Variants in SGCZ observed in about 807,000 individuals in gnomAD.
The protein encoded by SGCZ is zeta-sarcoglycan.
Under a neutral mutation model 41.3 loss-of-function variants are expected in SGCZ, and 40 were observed. The ratio of observed to expected loss-of-function variants is 0.97; its 90% confidence interval spans 0.75 to 1.26. The LOEUF (loss-of-function observed/expected upper bound fraction) is 1.26, where lower values mean the gene tolerates loss of function less well. SGCZ is among the 50% of genes most tolerant of loss of function. SGCZ has a pLI of 0.00. For missense variants in SGCZ, 552 were observed against 369.8 expected (o/e 1.49, Z -4.04); for synonymous variants, 206 against 137.5 (o/e 1.50, Z -3.49).
intron 1 of SGCZ, among the ~76,000 whole-genome samples, chr8:14,561,742 C>A (rs888050084): frequency 1.3e-5 from 2 of 152,088 alleles, no homozygotes; most frequent in Non-Finnish European, 2.9e-5. Flanking sequence ...TCCTGCAATT[C>A]AGGGAAGAGC....
At chr8:14,462,867 A>C (rs543982077) in intron 2 of SGCZ, among the ~76,000 whole-genome samples, 10 of 141,400 alleles carry the variant, frequency 7.1e-5, no homozygotes, top group Admixed American at 6.6e-4. Context: ...AATGTCTTTT[A>C]AGAATTTTTT....
At chr8:14,712,150 A>G (rs1171532692) in intron 1 of SGCZ, among the ~76,000 whole-genome samples, 1 of 152,146 alleles carries the variant, frequency 6.6e-6, no homozygotes, top group East Asian at 1.9e-4. Context: ...TTCCACAACT[A>G]ACCCCTAACT....
chr8:14,427,088 G>C (rs9657206), intron 2 of SGCZ, among the ~76,000 whole-genome samples: 1 of 117,712 alleles, frequency 8.5e-6, no homozygotes, highest in Non-Finnish European at 1.6e-5. Context: ...GAATGAATGA[G>C]TGAATGAATG....
At chr8:15,126,827 A>T (rs1463522911) in intron 1 of SGCZ, among the ~76,000 whole-genome samples, 8 of 152,130 alleles carry the variant, frequency 5.3e-5, no homozygotes, top group Admixed American at 5.2e-4. Flanking sequence ...ATAATAGCCA[A>T]TTTGACAGAG....
At chr8:14,310,530 G>A (rs1187138242) in intron 3 of SGCZ, among the ~76,000 whole-genome samples, 1 of 151,868 alleles carries the variant, frequency 6.6e-6, no homozygotes, top group Non-Finnish European at 1.5e-5. Flanking sequence ...TATACTTTAA[G>A]TTTTAGGGTA....
chr8:14,389,489 A>T (rs1245985951), intron 2 of SGCZ, among the ~76,000 whole-genome samples: 2 of 151,652 alleles, frequency 1.3e-5, no homozygotes, highest in Non-Finnish European at 2.9e-5. Context: ...AAAAAAAAAA[A>T]ATAGGCTAAC....
At chr8:14,366,801 A>G (rs1226343233) in intron 2 of SGCZ, among the ~76,000 whole-genome samples, 1 of 152,170 alleles carries the variant, frequency 6.6e-6, no homozygotes, top group Non-Finnish European at 1.5e-5. Flanking sequence ...ATCAAAGGCA[A>G]GTTAATTACT....
intron 5 of SGCZ, among the ~76,000 whole-genome samples, chr8:14,155,000 G>A (rs564994357): frequency 6.6e-6 from 1 of 152,256 alleles, no homozygotes; most frequent in South Asian, 2.1e-4. Context: ...ATTGCAGGTT[G>A]CGAGCAAAAT....
chr8:14,462,314 C>T (rs920427365), intron 2 of SGCZ, among the ~76,000 whole-genome samples: 1 of 151,880 alleles, frequency 6.6e-6, no homozygotes, highest in Non-Finnish European at 1.5e-5. Flanking sequence ...TATGCATTTA[C>T]AAAAATTCCA....
intron 1 of SGCZ, among the ~76,000 whole-genome samples, chr8:14,971,452 C>T (rs545132649): frequency 8.4e-4 from 128 of 151,996 alleles, no homozygotes; most frequent in Middle Eastern, 3.4e-3. Flanking sequence ...CATTTCTATT[C>T]CTACTTTCCT....
At chr8:14,829,584 A>T (rs1422364539) in intron 1 of SGCZ, among the ~76,000 whole-genome samples, 1 of 152,190 alleles carries the variant, frequency 6.6e-6, no homozygotes, top group African/African-American at 2.4e-5. Flanking sequence ...AATGTAAATG[A>T]TTCCTAAGTG....
At chr8:14,894,923 A>G (rs1362947730) in intron 1 of SGCZ, among the ~76,000 whole-genome samples, 1 of 152,160 alleles carries the variant, frequency 6.6e-6, no homozygotes, top group Non-Finnish European at 1.5e-5. Context: ...AAAAAATTTG[A>G]TTTATGAAAC....
chr8:14,786,908 C>G (rs530130016), intron 1 of SGCZ, among the ~76,000 whole-genome samples: 34 of 150,638 alleles, frequency 2.3e-4, no homozygotes, highest in Middle Eastern at 3.5e-3. Context: ...TACAACCATG[C>G]TGTATGATAA....
At chr8:14,951,846 T>C (rs1459446806) in intron 1 of SGCZ, among the ~76,000 whole-genome samples, 4 of 152,076 alleles carry the variant, frequency 2.6e-5, no homozygotes, top group African/African-American at 4.8e-5. Context: ...AAAATTAACC[T>C]TTTTTATATT....
At chr8:14,112,469 T>G (rs2117014621) in intron 5 of SGCZ, among the ~76,000 whole-genome samples, 1 of 152,240 alleles carries the variant, frequency 6.6e-6, no homozygotes, top group South Asian at 2.1e-4. Flanking sequence ...TTTCTAGATC[T>G]CAAGGAACAG....
intron 1 of SGCZ, among the ~76,000 whole-genome samples, chr8:15,189,103 G>A (rs1267578827): frequency 6.6e-6 from 1 of 152,116 alleles, no homozygotes; most frequent in African/African-American, 2.4e-5. Flanking sequence ...CAGGAAGATG[G>A]CCATACTTTC....
intron 1 of SGCZ, among the ~76,000 whole-genome samples, chr8:14,838,838 C>G (rs1802798022): frequency 6.6e-6 from 1 of 152,276 alleles, no homozygotes; most frequent in South Asian, 2.1e-4. Context: ...TTCCTCCGGA[C>G]TGATGCCAGA....
At chr8:14,279,549 TAATTTGTG>T (rs1339161292) in intron 3 of SGCZ, among the ~76,000 whole-genome samples, 1 of 151,866 alleles carries the variant, frequency 6.6e-6, no homozygotes, top group Non-Finnish European at 1.5e-5. Flanking sequence ...ACAACAAAAA[TAATTTGTG>T]AATATGCTTT....
At chr8:14,413,497 G>C (rs1052662803) in intron 2 of SGCZ, among the ~76,000 whole-genome samples, 10 of 151,940 alleles carry the variant, frequency 6.6e-5, no homozygotes, top group Admixed American at 3.3e-4. Flanking sequence ...ATCCTGCTGA[G>C]TGCAATAATC....
Sources: allele counts gnomAD v4.1 joint callset (sites outside exome capture counted in the v4.1 genomes callset), GRCh38; gene constraint gnomAD v4.1.1; transcripts MANE v1.5; gene names NCBI Gene and HGNC (gene_info 2026-07-23, HGNC 2026-07-21).